The following CEP170B variants were observed in gnomAD, a reference collection of about 807,000 sequenced individuals.
CEP170B encodes centrosomal protein 170B, also known as centrosomal protein of 170 kDa protein B.
A neutral mutation model predicts 120.6 loss-of-function variants in CEP170B; 55 were observed. That is an observed-to-expected ratio of 0.46 (90% CI 0.37 to 0.57). The LOEUF (loss-of-function observed/expected upper bound fraction) is 0.57, where lower values mean the gene tolerates loss of function less well. Ranked by LOEUF, CEP170B falls within the 20% of genes least tolerant of loss-of-function variation. The pLI is 0.00. For synonymous variants in CEP170B, 1,033 were observed against 954.5 expected, an observed-to-expected ratio of 1.08 and a Z score of -1.52; for missense variants, 2,212 against 2,253.3, an observed-to-expected ratio of 0.98 and a Z score of 0.37.
rs890319139 is a variant in CEP170B at position 104,891,507 on chromosome 14, G to A, written c.3879-1469G>A. 2.0e-5 allele frequency among the ~76,000 whole-genome samples: 3 copies of A among 152,114 alleles called. No individual in the cohort carries two copies. Among genetic ancestry groups the A allele is most frequent in the African/African-American group, 7.2e-5 (3 of 41,390 alleles). ...GGCTGTGAGCAGCATGAAGTTGGTG[G>A]GGAGGACCTGGGGGGCTTGGAAGGA... On this transcript the variant is annotated intron_variant, in intron 13 of 18. Transcript: ENST00000414716. The surrounding 1 kb of genome is among the most constrained non-coding windows in gnomAD (Gnocchi z 4.3).
chr14:104,890,872 GATGA>G (rs1896819859), intron 13 of CEP170B, among the ~76,000 whole-genome samples: 1 of 137,914 alleles, frequency 7.3e-6, no homozygotes, highest in Non-Finnish European at 1.6e-5. Flanking sequence ...TGGGTGGATG[GATGA>G]ATGGATGAGT....
At position 104,883,155 on chromosome 14, in the gene CEP170B, C is replaced by G. The variant is rs1896247189; in HGVS notation, c.698C>G (p.Thr233Ser). The G allele has an allele frequency of 6.2e-7, 1 of 1,608,068 alleles. No individual in the cohort carries two copies. Among genetic ancestry groups the G allele is most frequent in the African/African-American group, 1.3e-5 (1 of 74,368 alleles). The stretch of plus-strand genomic sequence containing the variant: ...TACTTCGAGATCCCCACGAAGGAGA[C>G]CCCGCAGCCGTCGCAGCCCCCCGAG... ...PSYFEIPTKE[T>S]PQPSQPPEVP... is the part of the protein sequence containing the mutation. Residue 233 changes from threonine to serine, a missense_variant, in exon 8 of 19, where the codon ACC becomes AGC. Physicochemically the swap from Thr to Ser is moderately conservative, Grantham distance 58 (BLOSUM62 1). Coordinates refer to ENST00000414716, the MANE Select transcript of CEP170B (RefSeq NM_001112726.3).
intron 10 of CEP170B, among the ~76,000 whole-genome samples, 159 bp from the exon 11 acceptor site, chr14:104,885,881 G>A (rs940238767): frequency 4.6e-5 from 7 of 152,350 alleles, no homozygotes; most frequent in African/African-American, 1.4e-4. Context: ...ATCCCTGGCT[G>A]CCTTTGCAGG....
At chr14:104,880,501 C>G in intron 6 of CEP170B, 76 bp downstream of exon 6, 2 of 1,561,032 alleles carry the variant, frequency 1.3e-6, no homozygotes, top group South Asian at 2.3e-5. Context: ...TGCCTCTCTG[C>G]ACCCCTTAAC....
In CEP170B at chr14:104,884,396, C is replaced by T. The variant is rs746678714; in HGVS notation, c.1617C>T (p.Gly539=). 2.6e-6 allele frequency: 4 copies of T among 1,535,362 alleles called. No homozygotes were observed. Among genetic ancestry groups the T allele is most frequent in the East Asian group, 2.4e-5 (1 of 40,870 alleles). The change falls in exon 9 of 19, where the codon GGC becomes GGT. Residue 539 remains glycine (G), a synonymous_variant. Transcript: ENST00000414716. ...CACCCCATGGGACCAGCCCCGTGGG[C>T]CCCCCGACCCCACCGCCCGCCCCCA... ...PLTPHGTSPV[G]PPTPPPAPTD...
At chr14:104,884,587 CGGGGGGGTGGAGG>C in intron 9 of CEP170B, 38 bp downstream of exon 9, 1 of 1,402,994 alleles carries the variant, frequency 7.1e-7, no homozygotes, top group South Asian at 1.3e-5. Flanking sequence ...TCGTGGGGAA[CGGGGGGGTGGAGG>C]CGATGCCGGG....
At chr14:104,883,658 C>A in intron 8 of CEP170B, 150 bp downstream of exon 8, 1 of 1,096,292 alleles carries the variant, frequency 9.1e-7, no homozygotes, top group South Asian at 1.6e-5. Context: ...CCTGCCTGGT[C>A]AGGAGTCCGG....
chr14:104,895,105 T>TCGTCA lies in CEP170B; in HGVS notation c.*147_*148insCGTCA. On this transcript the variant is annotated 3_prime_UTR_variant, in exon 19 of 19. Coordinates refer to ENST00000414716, the MANE Select transcript of CEP170B (RefSeq NM_001112726.3). Reference sequence around the variant, plus strand: ...TGTGGGCGGGTGCCTCCCACGCCCTTGCCCCCTCGTCAGCTCCCAGCCAGC... The same window carrying TCGTCA: ...TGTGGGCGGGTGCCTCCCACGCCCTTCGTCAGCCCCCTCGTCAGCTCCCAGCCAGC... 1.1e-6 allele frequency: 1 copy of TCGTCA among 901,188 alleles called. No homozygotes were observed. The highest frequency in any genetic ancestry group is 1.6e-6 in the Non-Finnish European group (1 of 618,094). 55.8% of individuals were successfully genotyped at this position (901,188 alleles called of 1,614,324 possible).
intron 2 of CEP170B, among the ~76,000 whole-genome samples, chr14:104,871,931 A>G (rs1294127645): frequency 2.0e-5 from 3 of 152,216 alleles, no homozygotes; most frequent in Non-Finnish European, 4.4e-5. Flanking sequence ...GTGCTGTCCC[A>G]CGGACCACGC....
In CEP170B at chr14:104,887,250, G is replaced by T. The variant is rs754381962; in HGVS notation, c.3011G>T (p.Arg1004Leu). The part of the protein sequence containing the change: ...DPGGTALVSA[R>L]EQSSERQHHP... The stretch of plus-strand genomic sequence containing the variant: ...GGAGGCACCGCCCTGGTCAGTGCCC[G>T]TGAGCAGTCCTCAGAGAGGCAGCAT... The change falls in exon 12 of 19, where the codon CGT (arginine) becomes CTT (leucine). Residue 1004 changes from arginine (R) to leucine (L), a missense_variant. Transcript: ENST00000414716. 3.1e-6 allele frequency: 5 copies of T among 1,607,164 alleles called. No individual in the cohort carries two copies. The highest frequency in any genetic ancestry group is 2.2e-5 in the South Asian group (2 of 90,920).
rs1477034606 is a variant in CEP170B, at chr14:104,891,894, G to C, written c.3879-1082G>C. 6.6e-6 allele frequency among the ~76,000 whole-genome samples: 1 copy of C among 152,178 alleles called. No homozygotes were observed. The highest frequency in any genetic ancestry group is 1.5e-5 in the Non-Finnish European group (1 of 68,026). ...GTCTTGATGTGGAATGGTGGACCCAGCTAGGACCCAGTCCTGAATGGGGCC... is the reference window on the plus strand; with the variant it reads ...GTCTTGATGTGGAATGGTGGACCCACCTAGGACCCAGTCCTGAATGGGGCC... On this transcript the variant is annotated intron_variant, in intron 13 of 18. Transcript: ENST00000414716. This position sits in a 1 kb window ranked among gnomAD's most constrained non-coding sequence, Gnocchi z 4.3.
At position 104,894,763 on chromosome 14, in the gene CEP170B, C is replaced by T. The variant is rs1335826857; in HGVS notation, c.4470C>T (p.Asn1490=). The change falls in exon 19 of 19, where the codon AAC becomes AAT. Residue 1490 remains asparagine, a synonymous_variant. Coordinates refer to ENST00000414716, the MANE Select transcript of CEP170B (RefSeq NM_001112726.3). ...GGAGCCTGGACCTGCTCACAGGAAA[C>T]AGGAGCTTGGCCAGCTCTGCACAGC... ...PSGSLDLLTG[N]RSLASSAQPG... 3 of 1,602,720 alleles carry T rather than the reference C, an allele frequency of 1.9e-6. No individual in the cohort carries two copies. The highest frequency in any genetic ancestry group is 1.7e-6 in the Non-Finnish European group (2 of 1,175,850).
At position 104,889,714 on chromosome 14, in the gene CEP170B, T is replaced by C; in HGVS notation, c.3834T>C (p.Pro1278=). The change falls in exon 13 of 19, where the codon CCT becomes CCC. Residue 1278 remains proline, a synonymous_variant. Coordinates refer to ENST00000414716, the MANE Select transcript of CEP170B (RefSeq NM_001112726.3). ...DTDDDEEEPD[P]YGFIVQTAEI... ...ACGACGATGAGGAGGAGCCTGACCCTTATGGTTTCATCGTGCAGACGGCAG... is the reference window on the plus strand; with the variant it reads ...ACGACGATGAGGAGGAGCCTGACCCCTATGGTTTCATCGTGCAGACGGCAG... The C allele has an allele frequency of 6.2e-7, 1 of 1,610,286 alleles. No individual in the cohort carries two copies. The highest frequency in any genetic ancestry group is 8.5e-7 in the Non-Finnish European group (1 of 1,178,290).
rs1896474257 is a variant in CEP170B at position 104,886,025 on chromosome 14, CCCT to C, written c.1945-10_1945-8del. 6.6e-7 allele frequency: 1 copy of C among 1,523,732 alleles called. No individual in the cohort carries two copies. The highest frequency in any genetic ancestry group is 8.8e-7 in the Non-Finnish European group (1 of 1,134,504). 94.4% of individuals were successfully genotyped at this position (1,523,732 alleles called of 1,614,324 possible). On this transcript the variant is annotated splice_polypyrimidine_tract_variant and intron_variant, in intron 10 of 18. Transcript: ENST00000414716. ...GGGCTTGCGTGTGGAAACACTCCCA[CCCT>C]CCTCTCCACAGGGCCTCCCGGTGCC...
In CEP170B at chr14:104,880,231, G is replaced by C. The variant is rs922693333; in HGVS notation, c.334-56G>C. 6.6e-5 allele frequency: 102 copies of C among 1,549,494 alleles called. No individual in the cohort carries two copies. In the African/African-American group the frequency reaches 1.2e-3, roughly 18 times the overall value. ...GGAGAGGAGAGGCTGGGCCCACCCT[G>C]GTGGGTTCCTCCTGAGGCTGGGCCC... On this transcript the variant is annotated intron_variant, in intron 5 of 18. Transcript: ENST00000414716.
At chr14:104,873,977 G>A (rs115252048) in intron 2 of CEP170B, among the ~76,000 whole-genome samples, 172 of 152,314 alleles carry the variant, frequency 1.1e-3, no homozygotes, top group African/African-American at 3.7e-3. Flanking sequence ...GGGTGCGGGA[G>A]TAGGTGAGCC....
intron 2 of CEP170B, among the ~76,000 whole-genome samples, chr14:104,872,186 CT>C (rs1333984243): frequency 1.5e-4 from 16 of 105,972 alleles, no homozygotes; most frequent in Middle Eastern, 8.3e-3. Context: ...CGTGTGTGTG[CT>C]GTGTGTGTGC....
chr14:104,868,778 C>G lies in CEP170B; in HGVS notation c.105+223C>G, dbSNP rs1407466706. Among the ~76,000 whole-genome samples the G allele has an allele frequency of 6.6e-6, 1 of 152,172 alleles. No individual in the cohort carries two copies. The highest frequency in any genetic ancestry group is 1.5e-5 in the Non-Finnish European group (1 of 68,028). Reference sequence around the variant, plus strand: ...GTGTGCTCACAGGCTCGGGTCCCTGCCCCGTACGTATCCCTGTCTCTGACA... The same window carrying G: ...GTGTGCTCACAGGCTCGGGTCCCTGGCCCGTACGTATCCCTGTCTCTGACA... On this transcript the variant is annotated intron_variant, in intron 2 of 18. Transcript: ENST00000414716. This position sits in a 1 kb window ranked among gnomAD's most constrained non-coding sequence, Gnocchi z 5.9.
intron 2 of CEP170B, among the ~76,000 whole-genome samples, chr14:104,872,836 C>T (rs535537931): frequency 3.9e-5 from 6 of 152,320 alleles, no homozygotes; most frequent in African/African-American, 4.8e-5. Context: ...GGGCGTCAGA[C>T]GTGAACTTTG....
Sources: gnomAD v4.1 joint callset for allele counts (sites outside exome capture counted in the v4.1 genomes callset) on GRCh38, gnomAD v4.1.1 for gene constraint, Gnocchi (gnomAD v3.1) non-coding constraint, MANE v1.5 for transcripts, NCBI Gene and HGNC (gene_info 2026-07-23, HGNC 2026-07-21) for gene names.